The following BCL2 variants were observed in gnomAD, a reference collection of about 807,000 sequenced individuals.
The protein encoded by BCL2 is BCL2 apoptosis regulator, also known as apoptosis regulator Bcl-2.
In BCL2, 1 loss-of-function variant was observed where a neutral mutation model predicts 14.2. That is an observed-to-expected ratio of 0.07 (90% CI 0.02 to 0.33). The LOEUF (loss-of-function observed/expected upper bound fraction) is 0.33. Ranked by LOEUF, BCL2 falls within the 10% of genes least tolerant of loss-of-function variation. The probability of loss-of-function intolerance (pLI) is 0.99; values close to 1 mark genes in which losing one functional copy is unlikely to be tolerated. For synonymous variants in BCL2, 151 were observed against 137.2 expected (o/e 1.10, Z -0.70); for missense variants, 247 against 305.9 (o/e 0.81, Z 1.44).
At chr18:63,277,801 C>T (rs956176058) in intron 2 of BCL2, among the ~76,000 whole-genome samples, 1 of 151,956 alleles carries the variant, frequency 6.6e-6, no homozygotes, top group African/African-American at 2.4e-5. Context: ...AGAAAATGGC[C>T]AATGAAAAGG....
At chr18:63,243,352 G>C (rs987304123) in intron 2 of BCL2, among the ~76,000 whole-genome samples, 2 of 152,088 alleles carry the variant, frequency 1.3e-5, no homozygotes, top group African/African-American at 4.8e-5. Flanking sequence ...ACACACACTA[G>C]GACCTATCAG....
intron 2 of BCL2, among the ~76,000 whole-genome samples, chr18:63,266,323 G>C (rs566480424): frequency 3.5e-4 from 53 of 151,278 alleles, no homozygotes; most frequent in African/African-American, 1.3e-3. Flanking sequence ...AAAATCTCAA[G>C]CAGAATAGGC....
intron 2 of BCL2, among the ~76,000 whole-genome samples, chr18:63,165,684 T>C (rs1021082224): frequency 1.1e-4 from 17 of 152,200 alleles, no homozygotes; most frequent in African/African-American, 3.4e-4. Flanking sequence ...CAGTCACCTG[T>C]GCAACAAACA....
intron 2 of BCL2, among the ~76,000 whole-genome samples, chr18:63,144,224 G>C (rs910331109): frequency 6.6e-6 from 1 of 152,004 alleles, no homozygotes; most frequent in African/African-American, 2.4e-5. Context: ...TATCTGAATC[G>C]AGCAATCCAA....
intron 2 of BCL2, among the ~76,000 whole-genome samples, chr18:63,249,834 G>C (rs1452871763): frequency 6.6e-6 from 1 of 151,528 alleles, no homozygotes; most frequent in Non-Finnish European, 1.5e-5. Context: ...TAAAAAAAAT[G>C]GTAGTTTCAG....
At chr18:63,263,189 T>C (rs1208270982) in intron 2 of BCL2, among the ~76,000 whole-genome samples, 1 of 151,842 alleles carries the variant, frequency 6.6e-6, no homozygotes, top group African/African-American at 2.4e-5. Flanking sequence ...GTGCGGGGGG[T>C]GCAGTGCAGA....
At chr18:63,298,747 C>T (rs545526472) in intron 2 of BCL2, among the ~76,000 whole-genome samples, 13 of 152,286 alleles carry the variant, frequency 8.5e-5, no homozygotes, top group African/African-American at 1.9e-4. Context: ...GAAAAGGCTG[C>T]GGAGCTGTTA....
At position 63,198,413 on chromosome 18, in the gene BCL2, G is replaced by A. The variant is rs1287594626; in HGVS notation, c.586-69654C>T. On this transcript the variant is annotated intron_variant, in intron 2 of 2. Coordinates refer to ENST00000333681, the MANE Select transcript of BCL2 (RefSeq NM_000633.3). ...ACCCATTGACACACAGACACACATA[G>A]ACACAGAGACACACACAGACACACA... is the stretch of plus-strand genomic sequence containing the variant. Among the ~76,000 whole-genome samples the A allele has an allele frequency of 9.3e-5, 11 of 118,356 alleles. No individual in the cohort carries two copies. In the South Asian group the frequency reaches 2.7e-3, roughly 29 times the overall value. 77.6% of individuals were successfully genotyped at this position (118,356 alleles called of 152,430 possible). A position where few individuals can be genotyped will look rare whatever the true frequency, so the allele number is the denominator to read the frequency against.
At chr18:63,283,427 C>T (rs1177824712) in intron 2 of BCL2, among the ~76,000 whole-genome samples, 2 of 152,134 alleles carry the variant, frequency 1.3e-5, no homozygotes, top group Admixed American at 1.3e-4. Context: ...TGGGAGGTAC[C>T]GTCTTTTCCT....
intron 2 of BCL2, among the ~76,000 whole-genome samples, chr18:63,237,870 T>C (rs1186683913): frequency 6.6e-6 from 1 of 151,980 alleles, no homozygotes; most frequent in Admixed American, 6.5e-5. Flanking sequence ...TTTTAAATAG[T>C]TTTTTTTAAA....
intron 2 of BCL2, among the ~76,000 whole-genome samples, chr18:63,192,096 A>C (rs1383582626): frequency 6.6e-6 from 1 of 152,234 alleles, no homozygotes; most frequent in Non-Finnish European, 1.5e-5. Context: ...CTCAAAGAAT[A>C]AACAAGCACA....
At chr18:63,259,757 A>G (rs538622219) in intron 2 of BCL2, among the ~76,000 whole-genome samples, 1 of 152,380 alleles carries the variant, frequency 6.6e-6, no homozygotes, top group Admixed American at 6.5e-5. Context: ...GGTGGGAATT[A>G]CGCCAATGAG....
intron 2 of BCL2, among the ~76,000 whole-genome samples, chr18:63,167,639 G>A (rs888088935): frequency 3.0e-4 from 46 of 151,992 alleles, no homozygotes; most frequent in African/African-American, 1.1e-3. Flanking sequence ...AGAATTAGCC[G>A]GATGTTGGCT....
At chr18:63,171,804 G>A (rs1442826701) in intron 2 of BCL2, among the ~76,000 whole-genome samples, 1 of 152,124 alleles carries the variant, frequency 6.6e-6, no homozygotes, top group African/African-American at 2.4e-5. Flanking sequence ...GCAAGACCTT[G>A]TCTCTACAAA....
chr18:63,155,477 G>A (rs1914754306), intron 2 of BCL2, among the ~76,000 whole-genome samples: 2 of 152,158 alleles, frequency 1.3e-5, no homozygotes, highest in South Asian at 2.1e-4. Context: ...GGTGGGAAAA[G>A]GAGGGTCTCG....
At chr18:63,182,409 G>A (rs536591338) in intron 2 of BCL2, among the ~76,000 whole-genome samples, 46 of 152,330 alleles carry the variant, frequency 3.0e-4, no homozygotes, top group African/African-American at 1.1e-3. Flanking sequence ...AGCCACATCT[G>A]TACTGAGAAA....
intron 2 of BCL2, among the ~76,000 whole-genome samples, chr18:63,188,227 G>T (rs1915637895): frequency 6.6e-6 from 1 of 152,182 alleles, no homozygotes; most frequent in African/African-American, 2.4e-5. Flanking sequence ...TATATCTGAG[G>T]CAGAATGACA....
At chr18:63,211,984 A>G (rs1241672612) in intron 2 of BCL2, among the ~76,000 whole-genome samples, 1 of 152,246 alleles carries the variant, frequency 6.6e-6, no homozygotes, top group East Asian at 1.9e-4. Flanking sequence ...TCATGAATGC[A>G]ATGGTAGCAT....
intron 2 of BCL2, among the ~76,000 whole-genome samples, chr18:63,233,163 C>T (rs1291629850): frequency 1.3e-5 from 2 of 152,160 alleles, no homozygotes; most frequent in South Asian, 2.1e-4. Flanking sequence ...CCCTTGTGAC[C>T]TAATCACCTC....
Sources: allele counts gnomAD v4.1 joint callset (sites outside exome capture counted in the v4.1 genomes callset), GRCh38; gene constraint gnomAD v4.1.1; transcripts MANE v1.5; gene names NCBI Gene and HGNC (gene_info 2026-07-23, HGNC 2026-07-21).